Variants in CHD1 observed in about 807,000 individuals in gnomAD.
CHD1 encodes chromodomain helicase DNA binding protein 1.
In CHD1, 36 loss-of-function variants were observed where a neutral mutation model predicts 224.2. That is an observed-to-expected ratio of 0.16 (90% CI 0.12 to 0.21). CHD1 has a LOEUF of 0.21. Ranked by LOEUF, CHD1 falls within the 10% of genes least tolerant of loss-of-function variation. CHD1 has a pLI of 1.00. For synonymous variants in CHD1, 668 were observed against 658.3 expected, an observed-to-expected ratio of 1.01 and a Z score of -0.23; for missense variants, 1,378 against 1,994.8, an observed-to-expected ratio of 0.69 and a Z score of 5.89.
chr5:98,891,038 A>G (rs1157492480), intron 15 of CHD1, among the ~76,000 whole-genome samples: 1 of 152,210 alleles, frequency 6.6e-6, no homozygotes, highest in African/African-American at 2.4e-5. Flanking sequence ...TTCTGCTGAG[A>G]GAGCAATAAT....
At chr5:98,864,097 T>C (rs531146927) in intron 31 of CHD1, among the ~76,000 whole-genome samples, 1 of 151,916 alleles carries the variant, frequency 6.6e-6, no homozygotes, top group South Asian at 2.1e-4. Context: ...GGTTGGGGAG[T>C]AGAGGGTCAA....
rs919541744 is a variant in CHD1 at position 98,917,922 on chromosome 5, A to T, written c.53+8412T>A. 2.0e-5 allele frequency among the ~76,000 whole-genome samples: 3 copies of T among 152,214 alleles called. No homozygotes were observed. The East Asian group carries it at 5.8e-4, about 29-fold the overall frequency. ...GTCATATATACAAGTTGATTCTGGTACAAGATTCCTGGAATCTCTCCCTAA... is the reference window on the plus strand; with the variant it reads ...GTCATATATACAAGTTGATTCTGGTTCAAGATTCCTGGAATCTCTCCCTAA... On this transcript the variant is annotated intron_variant, in intron 2 of 35. Transcript: ENST00000614616.
intron 20 of CHD1, 99 bp from the exon 21 acceptor site, chr5:98,881,474 G>A: frequency 1.8e-6 from 1 of 562,142 alleles, no homozygotes; most frequent in East Asian, 3.3e-5. Flanking sequence ...CTTTACAACA[G>A]TTACATGAAG....
intron 17 of CHD1, among the ~76,000 whole-genome samples, 184 bp downstream of exon 17, chr5:98,887,904 G>A (rs1750756889): frequency 6.6e-6 from 1 of 152,018 alleles, no homozygotes; most frequent in Non-Finnish European, 1.5e-5. Context: ...TTGTTTTGTT[G>A]CAATATGTAA....
intron 31 of CHD1, among the ~76,000 whole-genome samples, chr5:98,863,916 T>C (rs762489067): frequency 3.3e-5 from 5 of 152,202 alleles, no homozygotes; most frequent in Non-Finnish European, 7.3e-5. Context: ...TATTAAAAGA[T>C]AGTAAAATAT....
intron 2 of CHD1, among the ~76,000 whole-genome samples, chr5:98,918,879 T>C (rs1051458445): frequency 2.0e-5 from 3 of 152,180 alleles, no homozygotes; most frequent in Non-Finnish European, 4.4e-5. Flanking sequence ...AAGCATGCTA[T>C]GAAAACTTTC....
At chr5:98,889,877 G>A (rs1297665159) in intron 15 of CHD1, 11 of 152,110 alleles carry the variant, frequency 7.2e-5, no homozygotes, top group Admixed American at 7.2e-4. Flanking sequence ...GAAAAAAAAG[G>A]ATGAAATAAT....
chr5:98,897,278 G>T lies in CHD1; in HGVS notation c.1408C>A (p.Pro470Thr). ...CCCTCATGTCCTCCAATATAGGATG[G>T]CTGCTTCTTCAGGGCTACAAACCTT... Reference protein sequence around the residue: ...RPRFVALKKQPSYIGGHEGLE... With the variant: ...RPRFVALKKQTSYIGGHEGLE... Residue 470 changes from proline (P) to threonine (T), a missense_variant, in exon 11 of 36, where the codon CCA becomes ACA. This residue lies in a region of CHD1 where 86 missense variants were observed against 97.7 expected (regional missense o/e 0.88). Coordinates refer to ENST00000614616, the MANE Select transcript of CHD1 (RefSeq NM_001270.4). 6.2e-7 allele frequency: 1 copy of T among 1,610,638 alleles called. No individual in the cohort carries two copies. Among genetic ancestry groups the T allele is most frequent in the Non-Finnish European group, 8.5e-7 (1 of 1,177,344 alleles).
At chr5:98,900,281 CAAA>C (rs77593613) in intron 7 of CHD1, among the ~76,000 whole-genome samples, 7 of 92,556 alleles carry the variant, frequency 7.6e-5, no homozygotes, top group Admixed American at 1.3e-4. Flanking sequence ...GATTCTGTCA[CAAA>C]AAAAAAAAAA....
chr5:98,863,336 A>G, intron 32 of CHD1, 72 bp downstream of exon 32: 1 of 868,230 alleles, frequency 1.2e-6, no homozygotes, highest in Non-Finnish European at 1.6e-6. Flanking sequence ...CAGAATCAGG[A>G]AAGAAAACAA....
At position 98,858,188 on chromosome 5, in the gene CHD1, T is replaced by G. The variant is rs749690054; in HGVS notation, c.4779A>C (p.Gln1593His). The change falls in exon 35 of 36, where the codon CAA becomes CAC. Residue 1593 changes from glutamine (Q) to histidine (H), a missense_variant. Transcript: ENST00000614616. The stretch of plus-strand genomic sequence containing the variant: ...GTGACTGCCAAGTTTACCTGCTGTC[T>G]TGCTTGTAGTGATCCCAATCACGAT... ...KDHRDWDHYK[Q>H]DSRYYSDREK... is the part of the protein sequence containing the mutation. 6.2e-7 allele frequency: 1 copy of G among 1,612,482 alleles called. No individual in the cohort carries two copies. Among genetic ancestry groups the G allele is most frequent in the East Asian group, 2.2e-5 (1 of 44,830 alleles).
At chr5:98,897,424 AATC>A in intron 10 of CHD1, 104 bp from the exon 11 acceptor site, 1 of 791,512 alleles carries the variant, frequency 1.3e-6, no homozygotes, top group Non-Finnish European at 2.0e-6. Flanking sequence ...TTTCATCTCT[AATC>A]ATCAAGCTCA....
intron 7 of CHD1, 59 bp downstream of exon 7, chr5:98,900,752 C>G: frequency 6.7e-7 from 1 of 1,481,676 alleles, no homozygotes; most frequent in Non-Finnish European, 9.2e-7. Flanking sequence ...GTGCCCAGCC[C>G]TCTACTCCTG....
chr5:98,868,704 T>TC (rs1749092496), intron 30 of CHD1, 69 bp from the exon 31 acceptor site: 1 of 1,348,594 alleles, frequency 7.4e-7, no homozygotes, highest in Non-Finnish European at 1.0e-6. Context: ...GACTAACACT[T>TC]CCAGAAAATA....
intron 2 of CHD1, among the ~76,000 whole-genome samples, chr5:98,916,055 G>GGTGGCACATGCCT (rs1752708056): frequency 6.6e-6 from 1 of 152,010 alleles, no homozygotes; most frequent in Admixed American, 6.5e-5. Flanking sequence ...AGCCAGGCAT[G>GGTGGCACATGCCT]GTGGCACATG....
chr5:98,882,860 A>C (rs1339634011), intron 19 of CHD1, among the ~76,000 whole-genome samples: 2 of 152,200 alleles, frequency 1.3e-5, no homozygotes, highest in African/African-American at 4.8e-5. Context: ...TTACGACTAG[A>C]ATACGGGATC....
In CHD1 at chr5:98,883,178, A is replaced by G. The variant is rs770011850; in HGVS notation, c.2628T>C (p.Ala876=). The change falls in exon 19 of 36, where the codon GCT becomes GCC. Residue 876 remains alanine, a synonymous_variant. Coordinates refer to ENST00000614616, the MANE Select transcript of CHD1 (RefSeq NM_001270.4). Reference sequence around the variant, plus strand: ...CGGAATCAAATATAACAACAGTGTCAGCAGAGGCTAAATTAATCCCTAGAC... The same window carrying G: ...CGGAATCAAATATAACAACAGTGTCGGCAGAGGCTAAATTAATCCCTAGAC... ...AGGLGINLAS[A]DTVVIFDSDW... 3.7e-6 allele frequency: 6 copies of G among 1,606,846 alleles called. No homozygotes were observed. The highest frequency in any genetic ancestry group is 4.2e-6 in the Non-Finnish European group (5 of 1,177,318).
At position 98,900,973 on chromosome 5, in the gene CHD1, G is replaced by A. The variant is rs1264385586; in HGVS notation, c.697C>T (p.Arg233Cys). Residue 233 changes from arginine to cysteine, a missense_variant, in exon 7 of 36, where the codon CGT becomes TGT. Physicochemically the swap from Arg to Cys is radical, Grantham distance 180. Coordinates refer to ENST00000614616, the MANE Select transcript of CHD1 (RefSeq NM_001270.4). ...EDYDNDKRSSRRQATVNVSYK... is the reference protein window; with the variant it reads ...EDYDNDKRSSCRQATVNVSYK... ...CTAACATTAACAGTTGCTTGGCGAC[G>A]AGAACTTCTTTTATCATTATCATAA... The A allele has an allele frequency of 3.1e-6, 5 of 1,613,722 alleles. No homozygotes were observed. The highest frequency in any genetic ancestry group is 1.1e-5 in the South Asian group (1 of 91,074).
chr5:98,913,443 A>G (rs1022831371), intron 2 of CHD1, among the ~76,000 whole-genome samples: 4 of 152,194 alleles, frequency 2.6e-5, no homozygotes, highest in African/African-American at 9.7e-5. Flanking sequence ...CCACTGCACT[A>G]TAGCCTGGAC....
Sources: allele counts gnomAD v4.1 joint callset (sites outside exome capture counted in the v4.1 genomes callset), GRCh38; gene constraint gnomAD v4.1.1; regional missense constraint gnomAD v4.1.1; transcripts MANE v1.5; gene names NCBI Gene and HGNC (gene_info 2026-07-23, HGNC 2026-07-21).